The following EMC4 variants were observed in gnomAD, a reference collection of about 807,000 sequenced individuals.
EMC4 encodes the protein ER membrane protein complex subunit 4, also known as cell proliferation-inducing gene 17 protein.
In EMC4, 9 loss-of-function variants were observed where a neutral mutation model predicts 24.2. That is an observed-to-expected ratio of 0.37 (90% CI 0.22 to 0.65). EMC4 has a LOEUF of 0.65. EMC4 is among the 30% of genes least tolerant of loss of function. EMC4 has a pLI of 0.59. For synonymous variants in EMC4, 86 were observed against 81.1 expected (o/e 1.06, Z -0.32); for missense variants, 169 against 234.6 (o/e 0.72, Z 1.83).
At chr15:34,228,682 G>GTTTTT in intron 4 of EMC4, 93 bp downstream of exon 4, 1 of 567,598 alleles carries the variant, frequency 1.8e-6, no homozygotes, top group Non-Finnish European at 2.8e-6. Flanking sequence ...TGGTATTTGA[G>GTTTTT]TTTCTTTTTT....
At chr15:34,228,657 G>T in intron 4 of EMC4, 68 bp downstream of exon 4, 1 of 1,147,356 alleles carries the variant, frequency 8.7e-7, no homozygotes, top group South Asian at 1.6e-5. Context: ...CTACTTGATG[G>T]TAGGAAATTG....
rs1318935917 is a variant in EMC4 at position 34,230,068 on chromosome 15, TA to T, written c.*283del. The T allele has an allele frequency of 1.2e-5, 5 of 425,574 alleles. No individual in the cohort carries two copies. Among genetic ancestry groups the T allele is most frequent in the Non-Finnish European group, 2.1e-5 (5 of 240,978 alleles). The allele number at this position is 425,574 out of a possible 1,614,324, so 26.4% of individuals were successfully genotyped here. A position where few individuals can be genotyped will look rare whatever the true frequency, so the allele number is the denominator to read the frequency against. On this transcript the variant is annotated 3_prime_UTR_variant, in exon 5 of 5. Transcript: ENST00000267750. ...ACAACAACAAAAAAACATAACTATG[TA>T]AACAAGAGAATAACTGCTGCTAAAT...
In EMC4 at chr15:34,229,739, C is replaced by A. The variant is rs8033087; in HGVS notation, c.517-14C>A. 185,668 of 1,484,288 alleles carry A rather than the reference C, an allele frequency of 0.13. 13,276 individuals are homozygous for A. Among genetic ancestry groups the A allele is most frequent in the African/African-American group, 0.29 (20,627 of 71,242 alleles). The allele number at this position is 1,484,288 out of a possible 1,614,324, so 91.9% of individuals were successfully genotyped here. ...TTTGCCACTCACCTATTTATTCTTTCTTTCTTCTTTCAGAGAATGGAGTTC... is the reference window on the plus strand; with the variant it reads ...TTTGCCACTCACCTATTTATTCTTTATTTCTTCTTTCAGAGAATGGAGTTC... On this transcript the variant is annotated splice_polypyrimidine_tract_variant and intron_variant, in intron 4 of 4. Transcript: ENST00000267750.
At chr15:34,227,906 C>T (rs936657829) in intron 3 of EMC4, 60 bp downstream of exon 3, 2 of 1,560,554 alleles carry the variant, frequency 1.3e-6, no homozygotes, top group Non-Finnish European at 1.8e-6. Flanking sequence ...GCAGGCCGGG[C>T]ATGGTGGCTC....
chr15:34,229,677 AT>A lies in EMC4; in HGVS notation c.517-74del, dbSNP rs1890785439. 13 of 842,064 alleles carry A rather than the reference AT, an allele frequency of 1.5e-5. No homozygotes were observed. In the South Asian group the frequency reaches 2.1e-4, roughly 14 times the overall value. The allele number at this position is 842,064 out of a possible 1,614,324, so 52.2% of individuals were successfully genotyped here. A position where few individuals can be genotyped will look rare whatever the true frequency, so the allele number is the denominator to read the frequency against. On this transcript the variant is annotated intron_variant, in intron 4 of 4. Transcript: ENST00000267750. ...GCAAAATAGAGCTTGTGGTTAAAGTATTAAGTAATTGATTCAGGAAGTTATT... is the reference window on the plus strand; with the variant it reads ...GCAAAATAGAGCTTGTGGTTAAAGTATAAGTAATTGATTCAGGAAGTTATT...
At chr15:34,227,995 C>CA in intron 3 of EMC4, 149 bp downstream of exon 3, 1 of 743,720 alleles carries the variant, frequency 1.3e-6, no homozygotes, top group South Asian at 1.8e-5. Flanking sequence ...CCAGCCTGGC[C>CA]AACATGGTGA....
intron 4 of EMC4, 92 bp downstream of exon 4, chr15:34,228,681 A>AT: frequency 5.6e-6 from 3 of 538,056 alleles, no homozygotes; most frequent in African/African-American, 2.3e-5. Context: ...TTGGTATTTG[A>AT]GTTTCTTTTT....
In EMC4 at chr15:34,225,079, T is replaced by A. The variant is rs2140590146; in HGVS notation, c.-36T>A. 1 of 1,525,174 alleles carries A rather than the reference T, an allele frequency of 6.6e-7. No homozygotes were observed. Among genetic ancestry groups the A allele is most frequent in the East Asian group, 2.5e-5 (1 of 40,782 alleles). The allele number at this position is 1,525,174 out of a possible 1,614,324, so 94.5% of individuals were successfully genotyped here. ...GCCTGTTGTGGAGTACGCTTTGGAC[T>A]GAGAAGCATCGAGGCTATAGGACGC... On this transcript the variant is annotated 5_prime_UTR_variant, in exon 1 of 5. Coordinates refer to ENST00000267750, the MANE Select transcript of EMC4 (RefSeq NM_016454.4).
At chr15:34,229,494 C>T (rs914858028) in intron 4 of EMC4, 9 of 374,202 alleles carry the variant, frequency 2.4e-5, no homozygotes, top group Middle Eastern at 1.5e-3. Context: ...CCCAATGGCT[C>T]GCTAATTTTT....
chr15:34,225,050 GT>G lies in EMC4; in HGVS notation c.-64del. The G allele has an allele frequency of 7.6e-7, 1 of 1,315,876 alleles. No homozygotes were observed. Among genetic ancestry groups the G allele is most frequent in the South Asian group, 1.3e-5 (1 of 79,482 alleles). The allele number at this position is 1,315,876 out of a possible 1,614,324, so 81.5% of individuals were successfully genotyped here. A position where few individuals can be genotyped will look rare whatever the true frequency, so the allele number is the denominator to read the frequency against. On this transcript the variant is annotated 5_prime_UTR_variant, in exon 1 of 5. Coordinates refer to ENST00000267750, the MANE Select transcript of EMC4 (RefSeq NM_016454.4). Reference sequence around the variant, plus strand: ...GAGTGAGACAAAGCGGAGAACGCTGGTGGGCCTGTTGTGGAGTACGCTTTGG... The same window carrying G: ...GAGTGAGACAAAGCGGAGAACGCTGGGGGCCTGTTGTGGAGTACGCTTTGG...
At chr15:34,228,851 A>C (rs1208156414) in intron 4 of EMC4, 1 of 272,308 alleles carries the variant, frequency 3.7e-6, no homozygotes, top group African/African-American at 2.3e-5. Context: ...TGCCCAGCTA[A>C]TTTTTTTGTA....
At chr15:34,227,541 G>A (rs923900697) in intron 2 of EMC4, 152 bp from the exon 3 acceptor site, 5 of 709,228 alleles carry the variant, frequency 7.0e-6, no homozygotes, top group African/African-American at 1.7e-5. Flanking sequence ...CTGTGGCAAC[G>A]TGGAGAAGGG....
chr15:34,225,493 G>A (rs1890625629), intron 1 of EMC4, 43 bp from the exon 2 acceptor site: 3 of 1,395,784 alleles, frequency 2.1e-6, no homozygotes, highest in Non-Finnish European at 3.1e-6. Flanking sequence ...GGGATAAGAA[G>A]TATCGGAGGT....
At chr15:34,229,708 C>A in intron 4 of EMC4, 45 bp from the exon 5 acceptor site, 1 of 1,028,052 alleles carries the variant, frequency 9.7e-7, no homozygotes. Flanking sequence ...GTTATTTTAA[C>A]ACTCATTTGC....
In EMC4 at chr15:34,230,006, G is replaced by A; in HGVS notation, c.*218G>A. ...ACCATAACCCAAGGCTGAAAATAAT[G>A]TAGAAAACTTTATTTTTGTTTCCAG... On this transcript the variant is annotated 3_prime_UTR_variant, in exon 5 of 5. Transcript: ENST00000267750. 1.7e-6 allele frequency: 1 copy of A among 577,162 alleles called. No individual in the cohort carries two copies. The highest frequency in any genetic ancestry group is 3.0e-6 in the Non-Finnish European group (1 of 328,970). 35.8% of individuals were successfully genotyped at this position (577,162 alleles called of 1,614,324 possible).
At chr15:34,229,080 C>T (rs1174356907) in intron 4 of EMC4, 2 of 155,970 alleles carry the variant, frequency 1.3e-5, no homozygotes, top group Non-Finnish European at 2.8e-5. Context: ...CAGAGTCTCA[C>T]TCTGTCGCCC....
Position 34,225,620 on chromosome 15 carries a change from G to C in EMC4, c.171G>C (p.Val57=). 1.2e-6 allele frequency: 2 copies of C among 1,614,106 alleles called. 1 individual carries two copies. The highest frequency in any genetic ancestry group is 2.2e-5 in the South Asian group (2 of 91,086). Residue 57 remains valine (V), a synonymous_variant, in exon 2 of 5, where the codon GTG becomes GTC. Transcript: ENST00000267750. ...YLDKQVPDTS[V]QETDRILVEK... is the part of the protein sequence containing the mutation. ...ACAAGCAAGTGCCTGATACCAGCGT[G>C]CAAGAGACAGACCGGATCCTGGTGG...
rs763090081 is a variant in EMC4 at position 34,227,721 on chromosome 15, TCAAA to T, written c.233_236del (p.Lys78ArgfsTer4). On this transcript the variant is annotated frameshift_variant, in exon 3 of 5. Coordinates refer to ENST00000267750, the MANE Select transcript of EMC4 (RefSeq NM_016454.4). LOFTEE classifies it high-confidence loss of function. ...TGCTGGGACATCGCCTTGGGTCCCC[TCAAA>T]CAGATTCCCATGAATCTCTTCATCA... 51 of 1,614,120 alleles carry T rather than the reference TCAAA, an allele frequency of 3.2e-5. No individual in the cohort carries two copies. In the South Asian group the frequency reaches 4.4e-4, roughly 14 times the overall value.
Position 34,229,845 on chromosome 15 carries a change from T to TA in EMC4, c.*59dup. 1.3e-6 allele frequency: 2 copies of TA among 1,561,914 alleles called. No homozygotes were observed. The highest frequency in any genetic ancestry group is 1.8e-6 in the Non-Finnish European group (2 of 1,132,464). On this transcript the variant is annotated 3_prime_UTR_variant, in exon 5 of 5. Transcript: ENST00000267750. ...TTTGGGTCTTATTTACATCCTTCTT[T>TA]AAGCCCAGTGGCTCCTCAGCATACT...
Sources: allele counts gnomAD v4.1 joint callset, GRCh38; gene constraint gnomAD v4.1.1; transcripts MANE v1.5; gene names NCBI Gene and HGNC (gene_info 2026-07-23, HGNC 2026-07-21).